STAB2: variants seen among roughly 807,000 people sequenced by gnomAD.
STAB2 encodes stabilin-2.
A neutral mutation model predicts 338.1 loss-of-function variants in STAB2; 288 were observed. The observed-to-expected ratio is 0.85, with a 90% confidence interval of 0.77 to 0.94. The LOEUF is 0.94. Among genes scored for constraint, STAB2 ranks in the 40% least tolerant of loss-of-function variants. The probability of loss-of-function intolerance (pLI) is 0.00; values close to 1 mark genes in which losing one functional copy is unlikely to be tolerated. For synonymous variants in STAB2, 1,202 were observed against 1,193.3 expected (o/e 1.01, Z -0.15); for missense variants, 3,141 against 3,210.1 (o/e 0.98, Z 0.52).
intron 3 of STAB2, among the ~76,000 whole-genome samples, chr12:103,615,718 G>A (rs777315769): frequency 1.3e-5 from 2 of 152,152 alleles, no homozygotes; most frequent in Non-Finnish European, 2.9e-5. Context: ...TGCTGGGGAG[G>A]CCACAGAAAC....
intron 3 of STAB2, among the ~76,000 whole-genome samples, chr12:103,598,734 C>A (rs114340818): frequency 4.6e-5 from 7 of 152,124 alleles, no homozygotes; most frequent in African/African-American, 1.4e-4. Flanking sequence ...CCTCATACCC[C>A]CACATTCCTG....
Position 103,702,021 on chromosome 12 carries a change from CA to C in STAB2, c.3715-1126del, listed in dbSNP as rs1878924059. Among the ~76,000 whole-genome samples, 25 of 134,766 alleles carry C rather than the reference CA, an allele frequency of 1.9e-4. No homozygotes were observed. In the South Asian group the frequency reaches 4.9e-3, roughly 26 times the overall value. 88.4% of individuals were successfully genotyped at this position (134,766 alleles called of 152,430 possible). On this transcript the variant is annotated intron_variant, in intron 34 of 68. Coordinates refer to ENST00000388887, the MANE Select transcript of STAB2 (RefSeq NM_017564.10). ...ACACACACACACACACACACACACA[CA>C]CCCCACCCCAATTTTTCAAAGAATG... is the stretch of plus-strand genomic sequence containing the variant.
intron 40 of STAB2, among the ~76,000 whole-genome samples, chr12:103,711,958 A>T (rs1879903615): frequency 1.3e-5 from 2 of 152,240 alleles, no homozygotes; most frequent in Admixed American, 1.3e-4. Flanking sequence ...CTACCACATG[A>T]TCTTGAGTCC....
intron 40 of STAB2, among the ~76,000 whole-genome samples, chr12:103,712,067 T>C (rs574288427): frequency 6.6e-6 from 1 of 152,332 alleles, no homozygotes; most frequent in South Asian, 2.1e-4. Flanking sequence ...CACAAAATAA[T>C]ACATGAAACA....
intron 50 of STAB2, among the ~76,000 whole-genome samples, chr12:103,731,881 G>A (rs970784830): frequency 1.3e-5 from 2 of 152,190 alleles, no homozygotes; most frequent in Non-Finnish European, 2.9e-5. Flanking sequence ...AGGCTGGGGA[G>A]AGGGAAAGAA....
chr12:103,709,197 G>T (rs971339420), intron 39 of STAB2, among the ~76,000 whole-genome samples: 19 of 152,272 alleles, frequency 1.2e-4, no homozygotes, highest in Non-Finnish European at 2.6e-4. Context: ...CGGTCAAAGA[G>T]AAGGGAATTT....
intron 23 of STAB2, among the ~76,000 whole-genome samples, chr12:103,674,419 C>A (rs1189644252): frequency 6.6e-6 from 1 of 152,200 alleles, no homozygotes; most frequent in Admixed American, 6.5e-5. Flanking sequence ...GAACTCAATG[C>A]AGAATCACCT....
chr12:103,695,419 C>T lies in STAB2; in HGVS notation c.3376-131C>T, dbSNP rs1374717820. On this transcript the variant is annotated intron_variant, in intron 31 of 68. Coordinates refer to ENST00000388887, the MANE Select transcript of STAB2 (RefSeq NM_017564.10). Reference sequence around the variant, plus strand: ...GGAATATTTTTATACTGTGAGTAATCTTCAAAAGGTTGTCAATGTCAATCC... The same window carrying T: ...GGAATATTTTTATACTGTGAGTAATTTTCAAAAGGTTGTCAATGTCAATCC... 5 of 756,496 alleles carry T rather than the reference C, an allele frequency of 6.6e-6. No individual in the cohort carries two copies. The East Asian group carries it at 1.3e-4, about 20-fold the overall frequency. 46.9% of individuals were successfully genotyped at this position (756,496 alleles called of 1,614,324 possible). A position where few individuals can be genotyped will look rare whatever the true frequency, so the allele number is the denominator to read the frequency against.
At chr12:103,665,066 AG>A (rs754068009) in intron 18 of STAB2, among the ~76,000 whole-genome samples, 10 of 152,224 alleles carry the variant, frequency 6.6e-5, no homozygotes, top group Admixed American at 2.6e-4. Context: ...TGGTTACATA[AG>A]GAAAAGAACT....
Position 103,727,177 on chromosome 12 carries a change from C to T in STAB2, c.4852-90C>T, listed in dbSNP as rs1367696372. On this transcript the variant is annotated intron_variant, in intron 46 of 68. Coordinates refer to ENST00000388887, the MANE Select transcript of STAB2 (RefSeq NM_017564.10). ...TCTCCTCATCCAGTCTTTGCTTCAC[C>T]CAGGTGCCATCATCTCTGGTATTAG... 2.9e-6 allele frequency: 4 copies of T among 1,364,032 alleles called. No individual in the cohort carries two copies. The Admixed American group carries it at 6.7e-5, about 23-fold the overall frequency. The allele number at this position is 1,364,032 out of a possible 1,614,324, so 84.5% of individuals were successfully genotyped here.
rs1322780658 is a variant in STAB2, at chr12:103,659,037, GGCTAGGTGACTT to G, written c.1735-1290_1735-1279del. On this transcript the variant is annotated intron_variant, in intron 15 of 68. Coordinates refer to ENST00000388887, the MANE Select transcript of STAB2 (RefSeq NM_017564.10). ...TTGAAGATGTAAGTTGAGATGTAAA[GGCTAGGTGACTT>G]GCTCAAGGTCACATAGTAACAGAAC... 3.9e-5 allele frequency among the ~76,000 whole-genome samples: 6 copies of G among 152,344 alleles called. No homozygotes were observed. The East Asian group carries it at 1.2e-3, about 29-fold the overall frequency.
At chr12:103,649,692 C>T (rs1873594121) in intron 10 of STAB2, among the ~76,000 whole-genome samples, 1 of 152,182 alleles carries the variant, frequency 6.6e-6, no homozygotes, top group Admixed American at 6.5e-5. Context: ...ATGTCTCCTG[C>T]ATAAACATCC....
At chr12:103,613,776 G>A (rs1001904967) in intron 3 of STAB2, among the ~76,000 whole-genome samples, 7 of 152,138 alleles carry the variant, frequency 4.6e-5, no homozygotes, top group African/African-American at 7.2e-5. Flanking sequence ...CTTCTGCGTC[G>A]CTCATGCTGA....
Position 103,587,441 on chromosome 12 carries a change from A to G in STAB2, c.-36A>G. ...GTTAAAATAGCTAAGTCAGCCTGAC[A>G]GGTGCTTGGCACAGAGAAGGAGCAA... On this transcript the variant is annotated 5_prime_UTR_variant, in exon 1 of 69. Coordinates refer to ENST00000388887, the MANE Select transcript of STAB2 (RefSeq NM_017564.10). 1 of 1,559,734 alleles carries G rather than the reference A, an allele frequency of 6.4e-7. No homozygotes were observed.
chr12:103,620,444 C>A, intron 3 of STAB2, 24 bp from the exon 4 acceptor site: 1 of 1,560,930 alleles, frequency 6.4e-7, no homozygotes, highest in Non-Finnish European at 8.7e-7. Flanking sequence ...CGAATGAATA[C>A]ATCTGAGCTG....
intron 9 of STAB2, among the ~76,000 whole-genome samples, chr12:103,646,961 T>C (rs1333572897): frequency 6.6e-6 from 1 of 152,168 alleles, no homozygotes; most frequent in Non-Finnish European, 1.5e-5. Flanking sequence ...TGGGAAAGCA[T>C]TCCTGGTGGG....
chr12:103,592,743 T>C (rs1956818905), intron 2 of STAB2, among the ~76,000 whole-genome samples: 2 of 152,204 alleles, frequency 1.3e-5, no homozygotes, highest in Admixed American at 1.3e-4. Context: ...CTTTGCAATG[T>C]TTAAGCATAT....
chr12:103,695,967 G>A (rs761600947), intron 33 of STAB2, 123 bp downstream of exon 33: 54 of 895,418 alleles, frequency 6.0e-5, no homozygotes, highest in African/African-American at 1.7e-4. Flanking sequence ...CATACTTGAC[G>A]TAGACTGGTG....
rs1196374152 is a variant in STAB2, at chr12:103,640,192, T to C, written c.976T>C (p.Cys326Arg). 1.9e-6 allele frequency: 3 copies of C among 1,613,966 alleles called. 1 individual carries two copies. In the East Asian group the frequency reaches 6.7e-5, roughly 36 times the overall value. Residue 326 changes from cysteine to arginine, a missense_variant, in exon 9 of 69, where the codon TGT becomes CGT. Coordinates refer to ENST00000388887, the MANE Select transcript of STAB2 (RefSeq NM_017564.10). ...PGVGCSMTDI[C>R]KSDNPCHRNA... Reference sequence around the variant, plus strand: ...AGTGGGGTGCAGTATGACTGATATATGTAAATCAGATAACCCGTGTCATAG... The same window carrying C: ...AGTGGGGTGCAGTATGACTGATATACGTAAATCAGATAACCCGTGTCATAG...
Sources: gnomAD v4.1 joint callset for allele counts (sites outside exome capture counted in the v4.1 genomes callset) on GRCh38, gnomAD v4.1.1 for gene constraint, MANE v1.5 for transcripts, NCBI Gene and HGNC (gene_info 2026-07-23, HGNC 2026-07-21) for gene names.